Variants in LIMS1 observed in about 807,000 individuals in gnomAD.
The protein encoded by LIMS1 is LIM and senescent cell antigen-like-containing domain protein 1.
A neutral mutation model predicts 44.1 loss-of-function variants in LIMS1; 18 were observed. The ratio of observed to expected loss-of-function variants is 0.41; its 90% CI spans 0.28 to 0.61. The LOEUF is 0.61. Ranked by LOEUF, LIMS1 falls within the 20% of genes least tolerant of loss-of-function variation. LIMS1 has a pLI of 0.32. For missense variants in LIMS1, 201 were observed against 422.0 expected (o/e 0.48, Z 4.59); for synonymous variants, 93 against 149.1 (o/e 0.62, Z 2.74).
At chr2:108,626,894 A>G (rs1232579142) in intron 1 of LIMS1, among the ~76,000 whole-genome samples, 2 of 152,270 alleles carry the variant, frequency 1.3e-5, no homozygotes, top group Non-Finnish European at 2.9e-5. Flanking sequence ...ATTTCTGCAT[A>G]TAGTCATGTG....
intron 1 of LIMS1, among the ~76,000 whole-genome samples, chr2:108,556,226 T>C (rs1240400083): frequency 6.6e-6 from 1 of 152,254 alleles, no homozygotes; most frequent in Non-Finnish European, 1.5e-5. Flanking sequence ...CTAATTTTAC[T>C]TGGCATAATG....
At chr2:108,600,136 G>A (rs1246435007) in intron 1 of LIMS1, among the ~76,000 whole-genome samples, 4 of 151,078 alleles carry the variant, frequency 2.6e-5, no homozygotes, top group Non-Finnish European at 5.9e-5. Context: ...TGCAACCTCC[G>A]CCTTTTGGGC....
chr2:108,598,983 T>G, intron 1 of LIMS1, among the ~76,000 whole-genome samples: 1 of 152,214 alleles, frequency 6.6e-6, no homozygotes, highest in East Asian at 1.9e-4. Context: ...ATTATTTTAT[T>G]GGGGGGGTGA....
chr2:108,638,900 G>A (rs576095702), intron 1 of LIMS1, among the ~76,000 whole-genome samples: 73 of 152,112 alleles, frequency 4.8e-4, no homozygotes, highest in Non-Finnish European at 9.0e-4. Flanking sequence ...AAAATTAGCC[G>A]GGCGTGTTGA....
intron 1 of LIMS1, among the ~76,000 whole-genome samples, chr2:108,647,744 G>T (rs1486175932): frequency 1.3e-5 from 2 of 152,146 alleles, no homozygotes; most frequent in South Asian, 2.1e-4. Flanking sequence ...TGCACAAAAG[G>T]CCTCGACAAA....
intron 2 of LIMS1, among the ~76,000 whole-genome samples, chr2:108,664,074 G>T (rs557884522): frequency 6.6e-6 from 1 of 152,226 alleles, no homozygotes; most frequent in South Asian, 2.1e-4. Context: ...CGTTTATGAT[G>T]AGTAGTCTTG....
chr2:108,647,604 A>G (rs941470471), intron 1 of LIMS1, among the ~76,000 whole-genome samples: 1 of 152,232 alleles, frequency 6.6e-6, no homozygotes, highest in Non-Finnish European at 1.5e-5. Context: ...CATATCAAAA[A>G]GCTTATCCAC....
exon 2 of LIMS1, chr2:108,659,707 G>T: frequency 6.2e-7 from 1 of 1,612,492 alleles, no homozygotes; most frequent in Non-Finnish European, 8.5e-7. Context: ...TGTACCATGA[G>T]CAGTGTTTCG....
rs146356332 is a variant in LIMS1 at position 108,579,562 on chromosome 2, A to G, written c.32+44968A>G. 2.2e-4 allele frequency among the ~76,000 whole-genome samples: 34 copies of G among 152,368 alleles called. No homozygotes were observed. In the East Asian group the frequency reaches 6.4e-3, roughly 28 times the overall value. On this transcript the variant is annotated intron_variant, in intron 1 of 9. Coordinates refer to ENST00000544547, the Ensembl canonical transcript of LIMS1. ...ATGAATTAATATTAAAATACAATGA[A>G]TTTAATATTGGATGCCTAGAGTCTC...
rs1339284285 is a variant in LIMS1, at chr2:108,650,364, G to A, written c.33-9241G>A. Reference sequence around the variant, plus strand: ...TAGCTAAATAAGATAAGTGACTGCAGGTAGTCTTTTTGGGAGAATTGTGTG... The same window carrying A: ...TAGCTAAATAAGATAAGTGACTGCAAGTAGTCTTTTTGGGAGAATTGTGTG... On this transcript the variant is annotated intron_variant, in intron 1 of 9. Transcript: ENST00000544547. 2.0e-5 allele frequency among the ~76,000 whole-genome samples: 3 copies of A among 151,830 alleles called. No homozygotes were observed. The East Asian group carries it at 5.8e-4, about 29-fold the overall frequency.
chr2:108,549,266 A>G (rs1684594371), intron 1 of LIMS1, among the ~76,000 whole-genome samples: 1 of 147,934 alleles, frequency 6.8e-6, no homozygotes, highest in Admixed American at 6.8e-5. Context: ...AATAATGTAC[A>G]AGTAAAGTGT....
intron 1 of LIMS1, among the ~76,000 whole-genome samples, chr2:108,599,280 G>A (rs1262587549): frequency 6.6e-6 from 1 of 152,236 alleles, no homozygotes; most frequent in Non-Finnish European, 1.5e-5. Context: ...AAATAAGTGA[G>A]AACAAATGAT....
At chr2:108,649,978 T>C (rs1464245196) in intron 1 of LIMS1, among the ~76,000 whole-genome samples, 2 of 152,176 alleles carry the variant, frequency 1.3e-5, no homozygotes, top group Non-Finnish European at 2.9e-5. Context: ...ATAAAATAAA[T>C]ACTTTCAACA....
intron 1 of LIMS1, among the ~76,000 whole-genome samples, chr2:108,594,722 A>C (rs150647174): frequency 4.6e-5 from 7 of 152,228 alleles, no homozygotes; most frequent in Admixed American, 1.3e-4. Flanking sequence ...AATTTAACCC[A>C]GTATATCAAA....
At chr2:108,637,741 AAAT>A (rs1182885026) in intron 1 of LIMS1, among the ~76,000 whole-genome samples, 1 of 152,260 alleles carries the variant, frequency 6.6e-6, no homozygotes, top group African/African-American at 2.4e-5. Context: ...ATACGAATAA[AAAT>A]AAAAGAATGA....
At chr2:108,550,618 A>C (rs1490193529) in intron 1 of LIMS1, among the ~76,000 whole-genome samples, 1 of 149,768 alleles carries the variant, frequency 6.7e-6, no homozygotes, top group African/African-American at 2.5e-5. Flanking sequence ...GATCGAGACC[A>C]TCCTAGCTAA....
intron 1 of LIMS1, among the ~76,000 whole-genome samples, chr2:108,582,508 C>T (rs1420696095): frequency 1.3e-5 from 2 of 152,196 alleles, no homozygotes. Context: ...GTGGCTCACA[C>T]ATGTAATCCC....
At chr2:108,557,232 C>T (rs574445619) in intron 1 of LIMS1, among the ~76,000 whole-genome samples, 12 of 152,150 alleles carry the variant, frequency 7.9e-5, no homozygotes, top group African/African-American at 2.6e-4. Flanking sequence ...CGCACACTAC[C>T]GTGCCTGGCT....
At chr2:108,536,710 A>G (rs1684154708) in intron 1 of LIMS1, among the ~76,000 whole-genome samples, 1 of 152,096 alleles carries the variant, frequency 6.6e-6, no homozygotes, top group South Asian at 2.1e-4. Context: ...TCCCCCAAGT[A>G]GCTGGGACTA....
Sources: allele counts gnomAD v4.1 joint callset (sites outside exome capture counted in the v4.1 genomes callset), GRCh38; gene constraint gnomAD v4.1.1; transcripts MANE v1.5; gene names NCBI Gene and HGNC (gene_info 2026-07-23, HGNC 2026-07-21).